The following ADCY8 variants were observed in gnomAD, a reference collection of about 807,000 sequenced individuals.
The protein encoded by ADCY8 is adenylate cyclase type 8.
In ADCY8, 51 loss-of-function variants were observed where a neutral mutation model predicts 119.7. The observed-to-expected ratio is 0.43, with a 90% CI of 0.34 to 0.54. The LOEUF is 0.54. Ranked by LOEUF, ADCY8 falls within the 20% of genes least tolerant of loss-of-function variation. The pLI, the probability that ADCY8 is intolerant of heterozygous loss-of-function variation, is 0.03. For synonymous variants in ADCY8, 665 were observed against 651.0 expected, an observed-to-expected ratio of 1.02 and a Z score of -0.33; for missense variants, 1,383 against 1,598.8, an observed-to-expected ratio of 0.87 and a Z score of 2.30.
In ADCY8 at chr8:131,039,920, G is replaced by A; in HGVS notation, c.414C>T (p.Asn138=). The part of the protein sequence containing the change: ...GFLHLDCAPS[N]SDFFLNGGYS... ...AGCCCCCATTAAGAAAGAAATCCGA[G>A]TTGCTAGGGGCACAGTCAAGGTGCA... Residue 138 remains asparagine, a synonymous_variant, in exon 1 of 18, where the codon AAC becomes AAT. Transcript: ENST00000286355. 6.2e-7 allele frequency: 1 copy of A among 1,610,414 alleles called. No individual in the cohort carries two copies. Among genetic ancestry groups the A allele is most frequent in the Non-Finnish European group, 8.5e-7 (1 of 1,178,260 alleles).
chr8:130,826,888 T>A (rs1169810984), intron 12 of ADCY8, among the ~76,000 whole-genome samples: 3 of 151,886 alleles, frequency 2.0e-5, no homozygotes, highest in African/African-American at 7.3e-5. Flanking sequence ...AGATATTTTG[T>A]TGAACATCAC....
At chr8:130,951,478 T>C (rs886168343) in intron 3 of ADCY8, among the ~76,000 whole-genome samples, 1 of 152,200 alleles carries the variant, frequency 6.6e-6, no homozygotes, top group Non-Finnish European at 1.5e-5. Context: ...ATCCTCTTTG[T>C]ACTGTTTTAA....
rs73717224 is a variant in ADCY8 at position 130,873,188 on chromosome 8, T to A, written c.2110-5242A>T. On this transcript the variant is annotated intron_variant, in intron 8 of 17. Transcript: ENST00000286355. ...TAGGTGAGGGGGAGGAAAACCACAG[T>A]GCTTTCCTAGACTCTCCATTTTGAC... Among the ~76,000 whole-genome samples the A allele has an allele frequency of 3.9e-5, 6 of 152,304 alleles. No homozygotes were observed. In the South Asian group the frequency reaches 1.2e-3, roughly 32 times the overall value.
At chr8:131,025,454 T>C (rs1016528976) in intron 1 of ADCY8, among the ~76,000 whole-genome samples, 1 of 152,166 alleles carries the variant, frequency 6.6e-6, no homozygotes, top group Non-Finnish European at 1.5e-5. Flanking sequence ...ACAGCAATAC[T>C]GATGCGAATA....
intron 14 of ADCY8, among the ~76,000 whole-genome samples, chr8:130,802,997 GATGATGC>G (rs1288510199): frequency 6.6e-6 from 1 of 152,124 alleles, no homozygotes; most frequent in East Asian, 1.9e-4. Context: ...TAACTAATCG[GATGATGC>G]ATCATTTATC....
intron 9 of ADCY8, among the ~76,000 whole-genome samples, chr8:130,857,808 C>T (rs570597300): frequency 2.1e-4 from 32 of 152,110 alleles, no homozygotes; most frequent in African/African-American, 7.7e-4. Context: ...TGATATTTCC[C>T]TCACTTACTA....
At chr8:130,783,022 G>A (rs964593163) in intron 17 of ADCY8, among the ~76,000 whole-genome samples, 3 of 152,176 alleles carry the variant, frequency 2.0e-5, no homozygotes, top group African/African-American at 4.8e-5. Context: ...TCATAGGCCC[G>A]CATTTACTCA....
rs1224362933 is a variant in ADCY8 at position 130,896,795 on chromosome 8, A to T, written c.1911+6977T>A. ...AGGATAAGTGTAGCTGTTACCCTAC[A>T]GTAAGATAACTGTAAACAGTGGATG... On this transcript the variant is annotated intron_variant, in intron 7 of 17. Transcript: ENST00000286355. 2.6e-5 allele frequency among the ~76,000 whole-genome samples: 4 copies of T among 152,230 alleles called. No individual in the cohort carries two copies. In the East Asian group the frequency reaches 7.7e-4, roughly 29 times the overall value.
chr8:131,028,113 T>C (rs890488070), intron 1 of ADCY8, among the ~76,000 whole-genome samples: 1 of 152,222 alleles, frequency 6.6e-6, no homozygotes, highest in Admixed American at 6.5e-5. Context: ...ATCCTTCTTT[T>C]AGACATGAAG....
At chr8:131,039,312 C>CTA in intron 1 of ADCY8, 62 bp downstream of exon 1, 2 of 1,581,000 alleles carry the variant, frequency 1.3e-6, no homozygotes, top group Non-Finnish European at 1.7e-6. Flanking sequence ...TCTCTGGAAG[C>CTA]TATATGATCA....
chr8:130,991,493 G>A (rs1027510171), intron 1 of ADCY8, among the ~76,000 whole-genome samples: 5 of 152,184 alleles, frequency 3.3e-5, no homozygotes, highest in Non-Finnish European at 7.3e-5. Context: ...AAGCAATTGA[G>A]TTAAGGATAA....
intron 1 of ADCY8, among the ~76,000 whole-genome samples, chr8:131,036,905 G>A (rs986323299): frequency 6.6e-6 from 1 of 152,202 alleles, no homozygotes; most frequent in Non-Finnish European, 1.5e-5. Flanking sequence ...GCATGCTGTG[G>A]TAAGAAGTTA....
intron 1 of ADCY8, among the ~76,000 whole-genome samples, chr8:131,003,630 G>A (rs1231520965): frequency 1.1e-5 from 1 of 93,064 alleles, no homozygotes; most frequent in African/African-American, 4.8e-5. Context: ...GTCCTGCTTG[G>A]GCTTATTAGC....
At chr8:130,948,612 T>C (rs1381169454) in intron 3 of ADCY8, among the ~76,000 whole-genome samples, 2 of 144,254 alleles carry the variant, frequency 1.4e-5, no homozygotes, top group Non-Finnish European at 3.0e-5. Context: ...CTTAGATGTG[T>C]ACAGCACTTT....
chr8:130,864,988 C>G (rs1425184461), intron 9 of ADCY8, among the ~76,000 whole-genome samples: 7 of 152,082 alleles, frequency 4.6e-5, no homozygotes, highest in Non-Finnish European at 8.8e-5. Flanking sequence ...TTATATCACT[C>G]TGGCTGGGAG....
chr8:130,813,141 G>A (rs1383192200), intron 14 of ADCY8, among the ~76,000 whole-genome samples: 1 of 151,964 alleles, frequency 6.6e-6, no homozygotes, highest in Non-Finnish European at 1.5e-5. Flanking sequence ...TAGAGACGGG[G>A]TTTCACCATC....
At chr8:131,037,082 A>G (rs901410824) in intron 1 of ADCY8, among the ~76,000 whole-genome samples, 2 of 152,206 alleles carry the variant, frequency 1.3e-5, no homozygotes, top group East Asian at 1.9e-4. Flanking sequence ...AAGACTCTTA[A>G]GCCAATAGAG....
At chr8:130,784,228 G>GT (rs1330880833) in intron 16 of ADCY8, among the ~76,000 whole-genome samples, 8 of 141,958 alleles carry the variant, frequency 5.6e-5, no homozygotes, top group African/African-American at 2.1e-4. Context: ...ATGGGTATGT[G>GT]TGTGTATATG....
intron 2 of ADCY8, among the ~76,000 whole-genome samples, chr8:130,980,264 T>G (rs1004879754): frequency 6.6e-6 from 1 of 152,184 alleles, no homozygotes; most frequent in African/African-American, 2.4e-5. Flanking sequence ...AATAAATCTG[T>G]AAAGATCCTA....
Sources: allele counts gnomAD v4.1 joint callset (sites outside exome capture counted in the v4.1 genomes callset), GRCh38; gene constraint gnomAD v4.1.1; transcripts MANE v1.5; gene names NCBI Gene and HGNC (gene_info 2026-07-23, HGNC 2026-07-21).